FAM184B: variants seen among roughly 807,000 people sequenced by gnomAD.
FAM184B encodes the protein family with sequence similarity 184 member B.
FAM184B carries 111 observed loss-of-function variants against 135.9 expected under a neutral mutation model. That is an observed-to-expected ratio of 0.82 (90% confidence interval 0.70 to 0.96). The LOEUF is 0.96. Among genes scored for constraint, FAM184B ranks in the 40% least tolerant of loss-of-function variants. The pLI, the probability that FAM184B is intolerant of heterozygous loss-of-function variation, is 0.00. For missense variants in FAM184B, 1,375 were observed against 1,323.9 expected, an observed-to-expected ratio of 1.04 and a Z score of -0.60; for synonymous variants, 552 against 524.8, an observed-to-expected ratio of 1.05 and a Z score of -0.71.
chr4:17,650,934 A>G (rs1023268075), intron 11 of FAM184B, among the ~76,000 whole-genome samples: 4 of 151,904 alleles, frequency 2.6e-5, no homozygotes, highest in African/African-American at 4.8e-5. Flanking sequence ...GGGTCTTGCT[A>G]TGTTGTCCAG....
chr4:17,717,060 C>T (rs1717413082), intron 1 of FAM184B, among the ~76,000 whole-genome samples: 1 of 152,164 alleles, frequency 6.6e-6, no homozygotes, highest in Non-Finnish European at 1.5e-5. Context: ...ATACACCTGC[C>T]TCAGCCTCCC....
At chr4:17,762,222 C>A (rs1560195447) in intron 1 of FAM184B, among the ~76,000 whole-genome samples, 1 of 152,180 alleles carries the variant, frequency 6.6e-6, no homozygotes, top group Non-Finnish European at 1.5e-5. Flanking sequence ...AACAAAGGAT[C>A]CCCTATGAGA....
chr4:17,687,180 G>C (rs915537297), intron 7 of FAM184B, among the ~76,000 whole-genome samples: 1 of 152,186 alleles, frequency 6.6e-6, no homozygotes, highest in Non-Finnish European at 1.5e-5. Context: ...TGCAGTTCCT[G>C]AGGACACTCG....
At chr4:17,748,116 A>G (rs1204033086) in intron 1 of FAM184B, among the ~76,000 whole-genome samples, 2 of 150,248 alleles carry the variant, frequency 1.3e-5, no homozygotes, top group African/African-American at 2.4e-5. Flanking sequence ...AAAAAAAAAA[A>G]AAAAAAAGAA....
chr4:17,652,282 G>A (rs913186482), intron 11 of FAM184B, among the ~76,000 whole-genome samples: 24 of 151,502 alleles, frequency 1.6e-4, no homozygotes, highest in South Asian at 1.3e-3. Context: ...CTGCCACCAC[G>A]CCCGGCTAAT....
At chr4:17,643,333 C>A (rs1577243639) in intron 12 of FAM184B, among the ~76,000 whole-genome samples, 1 of 152,056 alleles carries the variant, frequency 6.6e-6, no homozygotes, top group South Asian at 2.1e-4. Flanking sequence ...TCCTCTTTGC[C>A]GACACCCCTG....
intron 1 of FAM184B, among the ~76,000 whole-genome samples, chr4:17,763,089 C>T (rs1718581918): frequency 1.3e-5 from 2 of 152,238 alleles, no homozygotes; most frequent in African/African-American, 4.8e-5. Context: ...TTCTTAGTGC[C>T]CATTTTGTTC....
intron 1 of FAM184B, among the ~76,000 whole-genome samples, chr4:17,714,925 A>AG (rs1330721272): frequency 2.0e-5 from 3 of 152,150 alleles, no homozygotes; most frequent in Non-Finnish European, 1.5e-5. Context: ...GGGGACACCA[A>AG]GGATCTGCCT....
intron 1 of FAM184B, among the ~76,000 whole-genome samples, chr4:17,743,699 C>G (rs548397966): frequency 1.1e-4 from 17 of 152,238 alleles, no homozygotes; most frequent in Non-Finnish European, 1.8e-4. Flanking sequence ...AAGTGAAGAA[C>G]AGCAGTTTCT....
chr4:17,675,695 T>G (rs1716297088), intron 7 of FAM184B, among the ~76,000 whole-genome samples: 1 of 152,198 alleles, frequency 6.6e-6, no homozygotes, highest in Admixed American at 6.5e-5. Flanking sequence ...TGATCTTAGC[T>G]AGATCTTCTG....
intron 7 of FAM184B, among the ~76,000 whole-genome samples, chr4:17,680,325 T>A (rs1292965447): frequency 2.0e-5 from 3 of 152,188 alleles, no homozygotes; most frequent in Admixed American, 1.3e-4. Context: ...GCCTGTCTTG[T>A]ACCTGGTTGC....
intron 1 of FAM184B, among the ~76,000 whole-genome samples, chr4:17,721,153 G>A (rs1717516759): frequency 2.0e-5 from 3 of 151,670 alleles, no homozygotes; most frequent in African/African-American, 7.3e-5. Flanking sequence ...CGGAGGCCGA[G>A]AAGGCGGATC....
intron 7 of FAM184B, among the ~76,000 whole-genome samples, chr4:17,665,314 A>T (rs1289427289): frequency 6.6e-6 from 1 of 152,186 alleles, no homozygotes; most frequent in African/African-American, 2.4e-5. Context: ...AGGCTTCTGA[A>T]TATTTTCTGA....
intron 13 of FAM184B, among the ~76,000 whole-genome samples, chr4:17,639,723 G>C (rs1715251803): frequency 6.6e-6 from 1 of 152,116 alleles, no homozygotes; most frequent in Non-Finnish European, 1.5e-5. Flanking sequence ...CAGGCGGGGA[G>C]GCAAGAGGCT....
chr4:17,719,199 G>A (rs1717465314), intron 1 of FAM184B, among the ~76,000 whole-genome samples: 1 of 152,180 alleles, frequency 6.6e-6, no homozygotes, highest in Non-Finnish European at 1.5e-5. Flanking sequence ...TATGAGGTAA[G>A]AATAAGGCTT....
intron 15 of FAM184B, 67 bp downstream of exon 15, chr4:17,636,461 G>GC (rs1040548367): frequency 2.5e-6 from 3 of 1,209,564 alleles, no homozygotes; most frequent in Non-Finnish European, 3.6e-6. Flanking sequence ...GCAAGTGAAC[G>GC]CCCCTCCCGG....
chr4:17,674,990 GT>G (rs199571689), intron 7 of FAM184B, among the ~76,000 whole-genome samples: 2,532 of 152,182 alleles, frequency 0.017, 82 homozygotes, highest in African/African-American at 0.058. Context: ...TCTTATTGTT[GT>G]TTTTTATCTC....
At chr4:17,770,871 G>C (rs963452417) in intron 1 of FAM184B, among the ~76,000 whole-genome samples, 1 of 152,194 alleles carries the variant, frequency 6.6e-6, no homozygotes, top group Non-Finnish European at 1.5e-5. Flanking sequence ...CACCCAAAAA[G>C]TGTACAATTC....
chr4:17,668,282 T>G (rs1716098442), intron 7 of FAM184B, among the ~76,000 whole-genome samples: 1 of 152,210 alleles, frequency 6.6e-6, no homozygotes, highest in East Asian at 1.9e-4. Flanking sequence ...TTTAGCTGTC[T>G]CCTTCAATTA....
Sources: gnomAD v4.1 joint callset for allele counts (sites outside exome capture counted in the v4.1 genomes callset) on GRCh38, gnomAD v4.1.1 for gene constraint, MANE v1.5 for transcripts, NCBI Gene and HGNC (gene_info 2026-07-23, HGNC 2026-07-21) for gene names.